The following FBXL13 variants were observed in gnomAD, a reference collection of about 807,000 sequenced individuals.
The protein encoded by FBXL13 is F-box and leucine-rich repeat protein 13.
A neutral mutation model predicts 83.6 loss-of-function variants in FBXL13; 67 were observed. The observed-to-expected ratio is 0.80, with a 90% CI of 0.66 to 0.98. The LOEUF (loss-of-function observed/expected upper bound fraction) is 0.98. Among genes scored for constraint, FBXL13 ranks in the 50% least tolerant of loss-of-function variants. The probability of loss-of-function intolerance (pLI) is 0.00; values close to 1 mark genes in which losing one functional copy is unlikely to be tolerated. For missense variants in FBXL13, 822 were observed against 866.5 expected, an observed-to-expected ratio of 0.95 and a Z score of 0.64; for synonymous variants, 272 against 299.5, an observed-to-expected ratio of 0.91 and a Z score of 0.95.
At chr7:102,879,439 ATGTGTG>A (rs139051886) in intron 14 of FBXL13, among the ~76,000 whole-genome samples, 117 of 144,800 alleles carry the variant, frequency 8.1e-4, no homozygotes, top group African/African-American at 2.6e-3. Flanking sequence ...GCAGTTAAGG[ATGTGTG>A]TGTGTGTGTG....
chr7:102,923,604 C>T (rs540725223), intron 10 of FBXL13, among the ~76,000 whole-genome samples: 29 of 150,506 alleles, frequency 1.9e-4, no homozygotes, highest in South Asian at 1.3e-3. Context: ...AGGCGGATCA[C>T]GAGGTCAGGA....
At chr7:103,021,963 A>G (rs1282811532) in intron 6 of FBXL13, among the ~76,000 whole-genome samples, 1 of 152,228 alleles carries the variant, frequency 6.6e-6, no homozygotes, top group African/African-American at 2.4e-5. Context: ...CATTTGACCC[A>G]GCCATCCCAT....
chr7:102,980,841 AC>A (rs1180160932), intron 6 of FBXL13, among the ~76,000 whole-genome samples: 2 of 152,120 alleles, frequency 1.3e-5, no homozygotes, highest in Admixed American at 1.3e-4. Flanking sequence ...AATCTTCATG[AC>A]CCTGCGTTTA....
intron 19 of FBXL13, among the ~76,000 whole-genome samples, chr7:102,816,573 T>C (rs954322901): frequency 1.3e-5 from 2 of 152,174 alleles, no homozygotes; most frequent in Non-Finnish European, 2.9e-5. Flanking sequence ...CTGAGTTCTT[T>C]ATCATAGCAT....
intron 7 of FBXL13, among the ~76,000 whole-genome samples, 186 bp from the exon 9 acceptor site, chr7:102,963,851 A>C (rs921124116): frequency 6.6e-6 from 1 of 152,210 alleles, no homozygotes; most frequent in Non-Finnish European, 1.5e-5. Flanking sequence ...TGCATCCAAC[A>C]AAAGCCTAAT....
chr7:103,062,975 C>T (rs1048144261), intron 1 of FBXL13, among the ~76,000 whole-genome samples: 1 of 152,146 alleles, frequency 6.6e-6, no homozygotes, highest in African/African-American at 2.4e-5. Flanking sequence ...TCTTGCTGTT[C>T]CCCAGGAGAA....
At chr7:103,063,344 T>C (rs531973784) in intron 1 of FBXL13, among the ~76,000 whole-genome samples, 3 of 152,350 alleles carry the variant, frequency 2.0e-5, no homozygotes, top group South Asian at 2.1e-4. Context: ...AGCATTTACA[T>C]TGTATTAGAT....
At chr7:102,888,504 C>T (rs1429191859) in intron 11 of FBXL13, among the ~76,000 whole-genome samples, 1 of 152,258 alleles carries the variant, frequency 6.6e-6, no homozygotes, top group Non-Finnish European at 1.5e-5. Flanking sequence ...TGCACTTCTT[C>T]AGCCTGGGCA....
intron 2 of FBXL13, among the ~76,000 whole-genome samples, chr7:103,042,820 C>G (rs1191750905): frequency 6.6e-6 from 1 of 152,150 alleles, no homozygotes; most frequent in Non-Finnish European, 1.5e-5. Flanking sequence ...AAAATTAACT[C>G]AAGATGCATT....
At chr7:102,825,090 T>C (rs1444282242) in intron 18 of FBXL13, among the ~76,000 whole-genome samples, 1 of 152,244 alleles carries the variant, frequency 6.6e-6, no homozygotes, top group Non-Finnish European at 1.5e-5. Context: ...ACTATTTAAA[T>C]AACATTTTGA....
intron 6 of FBXL13, chr7:102,973,787 G>T (rs1203069752): frequency 1.3e-6 from 1 of 754,700 alleles, no homozygotes; most frequent in Non-Finnish European, 2.4e-6. Context: ...TTTCCCGGGA[G>T]CCCGGTTAAC....
chr7:103,070,598 A>G (rs1361258103), intron 1 of FBXL13, among the ~76,000 whole-genome samples: 1 of 152,216 alleles, frequency 6.6e-6, no homozygotes, highest in Non-Finnish European at 1.5e-5. Flanking sequence ...ATTTATAAAG[A>G]AAAGAGTTGT....
intron 2 of FBXL13, among the ~76,000 whole-genome samples, chr7:103,037,293 T>G (rs1414883232): frequency 6.6e-6 from 1 of 152,212 alleles, no homozygotes; most frequent in African/African-American, 2.4e-5. Flanking sequence ...CAACTGATTA[T>G]CAACCAACTG....
At chr7:102,951,672 G>A (rs1024396280) in intron 8 of FBXL13, among the ~76,000 whole-genome samples, 17 of 151,472 alleles carry the variant, frequency 1.1e-4, no homozygotes, top group African/African-American at 3.9e-4. Flanking sequence ...GATTAGCCAG[G>A]TGTGGCCACC....
intron 8 of FBXL13, chr7:102,934,266 C>CT (rs746957819): frequency 6.2e-7 from 1 of 1,614,182 alleles, no homozygotes; most frequent in East Asian, 2.2e-5. Flanking sequence ...AATGAGATCT[C>CT]TAAAATTGAG....
intron 17 of FBXL13, among the ~76,000 whole-genome samples, chr7:102,833,832 CT>C (rs1801177513): frequency 6.6e-6 from 1 of 151,856 alleles, no homozygotes; most frequent in Admixed American, 6.6e-5. Context: ...AAATCATTCC[CT>C]TTATATCAAT....
chr7:102,976,600 C>G (rs1004046657), intron 6 of FBXL13, among the ~76,000 whole-genome samples: 2 of 152,090 alleles, frequency 1.3e-5, no homozygotes, highest in Non-Finnish European at 2.9e-5. Context: ...AGTTAGCCCC[C>G]CTGTTTGGGG....
chr7:102,976,121 C>CT (rs1444372966), intron 6 of FBXL13: 1 of 766,496 alleles, frequency 1.3e-6, no homozygotes, highest in Admixed American at 1.7e-5. Context: ...TCAAACCCTC[C>CT]TACTCGGATC....
chr7:103,041,727 G>A, intron 2 of FBXL13, among the ~76,000 whole-genome samples: 1 of 152,134 alleles, frequency 6.6e-6, no homozygotes, highest in East Asian at 1.9e-4. Context: ...AAAACCACAT[G>A]ATTATCTCAA....
Sources: allele counts gnomAD v4.1 joint callset (sites outside exome capture counted in the v4.1 genomes callset), GRCh38; gene constraint gnomAD v4.1.1; transcripts MANE v1.5; gene names NCBI Gene and HGNC (gene_info 2026-07-23, HGNC 2026-07-21).